The following RAF1 variants were observed in gnomAD, a reference collection of about 807,000 sequenced individuals.
RAF1 encodes the protein RAF proto-oncogene serine/threonine-protein kinase.
In RAF1, 27 loss-of-function variants were observed where a neutral mutation model predicts 81.1. That is an observed-to-expected ratio of 0.33 (90% confidence interval 0.25 to 0.46). The LOEUF (loss-of-function observed/expected upper bound fraction) is 0.46, where lower values mean the gene tolerates loss of function less well. Ranked by LOEUF, RAF1 falls within the 20% of genes least tolerant of loss-of-function variation. The probability of loss-of-function intolerance (pLI) is 1.00; values close to 1 mark genes in which losing one functional copy is unlikely to be tolerated. For synonymous variants in RAF1, 298 were observed against 294.0 expected (o/e 1.01, Z -0.14); for missense variants, 598 against 826.0 (o/e 0.72, Z 3.38).
intron 13 of RAF1, 128 bp from the exon 13 acceptor site, chr3:12,587,765 C>T (rs2058373096): frequency 1.3e-6 from 1 of 760,118 alleles, no homozygotes; most frequent in Non-Finnish European, 2.3e-6. Flanking sequence ...CAGGGATAGA[C>T]CCTGTGCTGT....
intron 1 of RAF1, among the ~76,000 whole-genome samples, chr3:12,647,741 T>C (rs1234810752): frequency 1.3e-5 from 2 of 152,230 alleles, no homozygotes. Context: ...GGCACTCTCA[T>C]GCACTGCAAG....
At chr3:12,618,851 A>G in intron 1 of RAF1, 104 bp from the exon 2 acceptor site, 1 of 875,678 alleles carries the variant, frequency 1.1e-6, no homozygotes, top group African/African-American at 1.7e-5. Flanking sequence ...TGGGTTTTTA[A>G]TGATACCTCC....
intron 1 of RAF1, among the ~76,000 whole-genome samples, chr3:12,642,158 A>T (rs2060207216): frequency 6.6e-6 from 1 of 151,374 alleles, no homozygotes; most frequent in African/African-American, 2.4e-5. Flanking sequence ...CAAAAAAATC[A>T]ATTAATTTAG....
At chr3:12,621,167 A>G (rs540941093) in intron 1 of RAF1, among the ~76,000 whole-genome samples, 1 of 152,320 alleles carries the variant, frequency 6.6e-6, no homozygotes, top group African/African-American at 2.4e-5. Flanking sequence ...TACTTACAGT[A>G]TTACTCTAGG....
rs552130564 is a variant in RAF1 at position 12,623,651 on chromosome 3, G to A, written c.-26-4904C>T. 3.3e-5 allele frequency among the ~76,000 whole-genome samples: 5 copies of A among 151,854 alleles called. No individual in the cohort carries two copies. The East Asian group carries it at 6.0e-4, about 18-fold the overall frequency. ...CTACTAAAAATACAAAAAATTAGCC[G>A]GGCGTGGTGGTGGGCACCTGTAGTC... is the stretch of plus-strand genomic sequence containing the variant. On this transcript the variant is annotated intron_variant, in intron 1 of 17. Coordinates refer to ENST00000442415, the MANE Select transcript of RAF1 (RefSeq NM_001354689.3).
At chr3:12,638,909 T>C (rs1342849562) in intron 1 of RAF1, among the ~76,000 whole-genome samples, 2 of 152,120 alleles carry the variant, frequency 1.3e-5, no homozygotes, top group East Asian at 3.9e-4. Flanking sequence ...ATACATAAGG[T>C]CATGTAGAAT....
In RAF1 at chr3:12,585,247, C is replaced by G. The variant is rs2125323109; in HGVS notation, c.1603G>C (p.Glu535Gln). ...TTGTTATCCTGCATTCGGATCACCT[C>G]TGGGGCCTACATGTATCACCATATG... The change falls in exon 16 of 18, where the codon GAG becomes CAG. Residue 535 changes from glutamate to glutamine, a missense_variant. Coordinates refer to ENST00000442415, the MANE Select transcript of RAF1 (RefSeq NM_001354689.3). 1 of 1,614,136 alleles carries G rather than the reference C, an allele frequency of 6.2e-7. No homozygotes were observed. The highest frequency in any genetic ancestry group is 8.5e-7 in the Non-Finnish European group (1 of 1,180,026).
At position 12,600,425 on chromosome 3, in the gene RAF1, A is replaced by C; in HGVS notation, c.895-10T>G. The C allele has an allele frequency of 6.2e-7, 1 of 1,614,184 alleles. No homozygotes were observed. The highest frequency in any genetic ancestry group is 8.5e-7 in the Non-Finnish European group (1 of 1,180,000). On this transcript the variant is annotated splice_polypyrimidine_tract_variant and intron_variant, in intron 8 of 17. Coordinates refer to ENST00000442415, the MANE Select transcript of RAF1 (RefSeq NM_001354689.3). ...GACTTCGAATTGCATCCTGAAACAG[A>C]AAAGGAAAGCTGGTCAACTCCTACA...
chr3:12,587,444 T>C (rs2058364436), intron 14 of RAF1, 147 bp downstream of exon 13: 2 of 811,266 alleles, frequency 2.5e-6, no homozygotes, highest in Admixed American at 3.6e-5. Context: ...CCTACTAATT[T>C]TCTGACTTTT....
intron 8 of RAF1, among the ~76,000 whole-genome samples, chr3:12,601,638 CCACT>C (rs2058865684): frequency 6.6e-6 from 1 of 151,828 alleles, no homozygotes; most frequent in Non-Finnish European, 1.5e-5. Flanking sequence ...TAGAATGCTC[CCACT>C]CAATTATATA....
At chr3:12,659,339 A>T (rs1199145149) in intron 1 of RAF1, among the ~76,000 whole-genome samples, 2 of 146,320 alleles carry the variant, frequency 1.4e-5, no homozygotes, top group Non-Finnish European at 3.0e-5. Flanking sequence ...GAGGCATGAG[A>T]ATCCCTTGAA....
intron 11 of RAF1, among the ~76,000 whole-genome samples, chr3:12,595,259 A>G (rs1237107931): frequency 6.6e-6 from 1 of 152,110 alleles, no homozygotes; most frequent in East Asian, 1.9e-4. Flanking sequence ...TTTTTTGTAG[A>G]GACAAGGGTC....
chr3:12,617,744 T>C (rs572976978), intron 2 of RAF1, among the ~76,000 whole-genome samples: 2 of 151,650 alleles, frequency 1.3e-5, no homozygotes, highest in Non-Finnish European at 2.9e-5. Flanking sequence ...AAAACAAAAA[T>C]CAGCCAGGCG....
At chr3:12,647,731 G>A (rs1461986558) in intron 1 of RAF1, among the ~76,000 whole-genome samples, 1 of 152,086 alleles carries the variant, frequency 6.6e-6, no homozygotes, top group Non-Finnish European at 1.5e-5. Flanking sequence ...AGTCCAAAAG[G>A]GCACTCTCAT....
At chr3:12,605,812 G>A (rs770609970) in intron 6 of RAF1, among the ~76,000 whole-genome samples, 1 of 152,056 alleles carries the variant, frequency 6.6e-6, no homozygotes, top group Non-Finnish European at 1.5e-5. Flanking sequence ...CAAATGCATC[G>A]GCCACAACAT....
At chr3:12,596,574 T>C (rs1232602583) in intron 11 of RAF1, among the ~76,000 whole-genome samples, 2 of 152,146 alleles carry the variant, frequency 1.3e-5, no homozygotes, top group African/African-American at 4.8e-5. Context: ...ATGTTGAGTT[T>C]TAAATCATGC....
chr3:12,592,963 T>C (rs1239896501), intron 11 of RAF1, among the ~76,000 whole-genome samples: 2 of 151,488 alleles, frequency 1.3e-5, no homozygotes, highest in African/African-American at 4.9e-5. Context: ...ATGGTCTCGA[T>C]CTCCTGACCT....
rs1461677629 is a variant in RAF1, at chr3:12,583,946, G to C, written c.*568C>G. The C allele has an allele frequency of 4.1e-6, 1 of 243,562 alleles. No homozygotes were observed. The highest frequency in any genetic ancestry group is 8.1e-6 in the Non-Finnish European group (1 of 123,164). The allele number at this position is 243,562 out of a possible 1,614,324, so 15.1% of individuals were successfully genotyped here. On this transcript the variant is annotated 3_prime_UTR_variant, in exon 18 of 18. Transcript: ENST00000442415. ...CAATGCACTGGACACCTTAGAAGCT[G>C]TGAAAGGAGGACGTGTCCCCTAAGA...
chr3:12,627,524 T>C (rs557938444), intron 1 of RAF1, among the ~76,000 whole-genome samples: 1 of 152,350 alleles, frequency 6.6e-6, no homozygotes, highest in Admixed American at 6.5e-5. Flanking sequence ...GACTCATAAT[T>C]GCCAGTTATC....
Sources: gnomAD v4.1 joint callset for allele counts (sites outside exome capture counted in the v4.1 genomes callset) on GRCh38, gnomAD v4.1.1 for gene constraint, MANE v1.5 for transcripts, NCBI Gene and HGNC (gene_info 2026-07-23, HGNC 2026-07-21) for gene names.